Variants in PRKAR2B observed in about 807,000 individuals in gnomAD.
PRKAR2B encodes the protein cAMP-dependent protein kinase type II-beta regulatory subunit.
In PRKAR2B, 14 loss-of-function variants were observed where a neutral mutation model predicts 49.9. The observed-to-expected ratio is 0.28, with a 90% CI of 0.19 to 0.44. The LOEUF is 0.44. Ranked by LOEUF, PRKAR2B falls within the 20% of genes least tolerant of loss-of-function variation. The probability of loss-of-function intolerance (pLI) is 1.00; values close to 1 mark genes in which losing one functional copy is unlikely to be tolerated. For synonymous variants in PRKAR2B, 196 were observed against 197.7 expected (o/e 0.99, Z 0.07); for missense variants, 393 against 537.9 (o/e 0.73, Z 2.67).
chr7:107,058,199 G>C (rs1793951864), intron 1 of PRKAR2B, among the ~76,000 whole-genome samples: 1 of 152,148 alleles, frequency 6.6e-6, no homozygotes, highest in Admixed American at 6.5e-5. Flanking sequence ...TAAATTTAAG[G>C]TTTAGCAGGT....
At chr7:107,142,693 G>A (rs1427380935) in intron 5 of PRKAR2B, among the ~76,000 whole-genome samples, 47 of 152,072 alleles carry the variant, frequency 3.1e-4, no homozygotes, top group Admixed American at 3.1e-3. Flanking sequence ...GTTCTTTCTG[G>A]AGGTTCTTGC....
At chr7:107,089,155 G>A (rs1016118276) in intron 2 of PRKAR2B, among the ~76,000 whole-genome samples, 1 of 152,058 alleles carries the variant, frequency 6.6e-6, no homozygotes, top group Admixed American at 6.6e-5. Context: ...GAAACAGAGC[G>A]AGACTCCATC....
At chr7:107,099,806 T>C (rs1794923730) in intron 2 of PRKAR2B, among the ~76,000 whole-genome samples, 1 of 152,004 alleles carries the variant, frequency 6.6e-6, no homozygotes, top group African/African-American at 2.4e-5. Flanking sequence ...GGCTAATTTT[T>C]TGTATTTTTA....
intron 2 of PRKAR2B, among the ~76,000 whole-genome samples, chr7:107,102,829 C>T (rs964016998): frequency 1.4e-4 from 22 of 152,226 alleles, no homozygotes; most frequent in Non-Finnish European, 2.5e-4. Context: ...CGCCACCATG[C>T]CTAGCTAATT....
intron 2 of PRKAR2B, among the ~76,000 whole-genome samples, chr7:107,112,990 C>G (rs1444571846): frequency 5.3e-5 from 8 of 152,170 alleles, no homozygotes; most frequent in African/African-American, 1.9e-4. Context: ...ATAATTATGG[C>G]TATATTTTAG....
intron 1 of PRKAR2B, among the ~76,000 whole-genome samples, chr7:107,052,160 A>G (rs751907808): frequency 9.9e-5 from 15 of 152,118 alleles, no homozygotes; most frequent in African/African-American, 3.1e-4. Context: ...GCTCATGTCT[A>G]TAATTCCCAG....
chr7:107,153,823 A>G (rs1796031383), intron 8 of PRKAR2B, among the ~76,000 whole-genome samples: 1 of 152,222 alleles, frequency 6.6e-6, no homozygotes, highest in African/African-American at 2.4e-5. Context: ...TTCACAGGTA[A>G]AGCATGCAGA....
At chr7:107,077,578 C>G (rs1199891548) in intron 2 of PRKAR2B, among the ~76,000 whole-genome samples, 2 of 152,220 alleles carry the variant, frequency 1.3e-5, no homozygotes, top group Admixed American at 1.3e-4. Flanking sequence ...CAGTTTGCCT[C>G]TGCCATCAAG....
At chr7:107,082,111 G>T (rs966219643) in intron 2 of PRKAR2B, 8 of 152,106 alleles carry the variant, frequency 5.3e-5, no homozygotes, top group African/African-American at 1.7e-4. Context: ...TGGAAAACAG[G>T]TTTGCCTTAA....
intron 2 of PRKAR2B, among the ~76,000 whole-genome samples, chr7:107,120,065 C>G (rs1288132794): frequency 6.6e-6 from 1 of 152,138 alleles, no homozygotes; most frequent in Non-Finnish European, 1.5e-5. Flanking sequence ...TTCCTGTGCC[C>G]TAGTCTTTCA....
intron 3 of PRKAR2B, among the ~76,000 whole-genome samples, chr7:107,127,867 G>A (rs1200556135): frequency 1.3e-5 from 2 of 152,154 alleles, no homozygotes; most frequent in Non-Finnish European, 2.9e-5. Flanking sequence ...CCTTTTGTAC[G>A]GGTCCCCACT....
At position 107,049,323 on chromosome 7, in the gene PRKAR2B, T is replaced by A. The variant is rs1338607887; in HGVS notation, c.307+4109T>A. On this transcript the variant is annotated intron_variant, in intron 1 of 10. Transcript: ENST00000265717. ...ACCGTGATAGAAAATAAAGAGCTGA[T>A]TTTCTGAGTTATAGAAGAAAAAGAT... Among the ~76,000 whole-genome samples, 3 of 152,172 alleles carry A rather than the reference T, an allele frequency of 2.0e-5. No homozygotes were observed. The East Asian group carries it at 5.8e-4, about 29-fold the overall frequency.
At chr7:107,098,228 A>G (rs911745928) in intron 2 of PRKAR2B, among the ~76,000 whole-genome samples, 1 of 152,012 alleles carries the variant, frequency 6.6e-6, no homozygotes, top group African/African-American at 2.4e-5. Flanking sequence ...TTTTTTCTCT[A>G]AACTTGTCTT....
intron 5 of PRKAR2B, among the ~76,000 whole-genome samples, chr7:107,143,941 A>T (rs1180506645): frequency 6.6e-6 from 1 of 152,202 alleles, no homozygotes; most frequent in Non-Finnish European, 1.5e-5. Context: ...AGAATTTTGG[A>T]TGAGGGAAAC....
At chr7:107,066,132 A>G (rs968940063) in intron 1 of PRKAR2B, among the ~76,000 whole-genome samples, 1 of 152,068 alleles carries the variant, frequency 6.6e-6, no homozygotes, top group Non-Finnish European at 1.5e-5. Context: ...ACCTTATATA[A>G]ATATTTTTGT....
chr7:107,110,108 CAG>C lies in PRKAR2B; in HGVS notation c.344-11837_344-11836del, dbSNP rs529540030. On this transcript the variant is annotated intron_variant, in intron 2 of 10. Transcript: ENST00000265717. ...AGAGATAATCCATGTGCTTGGGAGACAGAGAGAGTGTAGCAGTTGTGAGACAT... is the reference window on the plus strand; with the variant it reads ...AGAGATAATCCATGTGCTTGGGAGACAGAGAGTGTAGCAGTTGTGAGACAT... 3.9e-5 allele frequency among the ~76,000 whole-genome samples: 6 copies of C among 152,246 alleles called. No homozygotes were observed. The East Asian group carries it at 9.7e-4, about 24-fold the overall frequency.
chr7:107,046,251 G>A (rs1019662626), intron 1 of PRKAR2B, among the ~76,000 whole-genome samples: 1 of 152,142 alleles, frequency 6.6e-6, no homozygotes, highest in Non-Finnish European at 1.5e-5. Context: ...CAGTGTGCAA[G>A]TGTTTTCTCT....
At chr7:107,060,479 T>G (rs1040105310) in intron 1 of PRKAR2B, among the ~76,000 whole-genome samples, 6 of 152,238 alleles carry the variant, frequency 3.9e-5, no homozygotes, top group Admixed American at 3.9e-4. Context: ...CTCTTATTGC[T>G]AGTGACATTG....
chr7:107,095,749 T>C (rs1051748689), intron 2 of PRKAR2B, among the ~76,000 whole-genome samples: 1 of 152,244 alleles, frequency 6.6e-6, no homozygotes, highest in Admixed American at 6.5e-5. Flanking sequence ...TTTCTGCATC[T>C]ATTGAGATAA....
Sources: gnomAD v4.1 joint callset for allele counts (sites outside exome capture counted in the v4.1 genomes callset) on GRCh38, gnomAD v4.1.1 for gene constraint, MANE v1.5 for transcripts, NCBI Gene and HGNC (gene_info 2026-07-23, HGNC 2026-07-21) for gene names.